Variants in SLC2A13 observed in about 807,000 individuals in gnomAD.
SLC2A13 encodes proton myo-inositol cotransporter.
A neutral mutation model predicts 64.4 loss-of-function variants in SLC2A13; 32 were observed. The observed-to-expected ratio is 0.50, with a 90% CI of 0.37 to 0.67. The LOEUF is 0.67. SLC2A13 is among the 30% of genes least tolerant of loss of function. SLC2A13 has a pLI of 0.00. For synonymous variants in SLC2A13, 338 were observed against 327.1 expected, an observed-to-expected ratio of 1.03 and a Z score of -0.36; for missense variants, 743 against 829.2, an observed-to-expected ratio of 0.90 and a Z score of 1.28.
At chr12:39,785,091 A>G (rs370376132) in intron 7 of SLC2A13, among the ~76,000 whole-genome samples, 10 of 152,248 alleles carry the variant, frequency 6.6e-5, no homozygotes, top group African/African-American at 2.2e-4. Context: ...AGAAATTTGC[A>G]TAAGTAGCAA....
Position 39,764,629 on chromosome 12 carries a change from T to G in SLC2A13, c.1568-17A>C, listed in dbSNP as rs754227528. 1.9e-6 allele frequency: 3 copies of G among 1,580,744 alleles called. No homozygotes were observed. Among genetic ancestry groups the G allele is most frequent in the Non-Finnish European group, 1.7e-6 (2 of 1,169,284 alleles). The stretch of plus-strand genomic sequence containing the variant: ...GTCCCATTCCTGAGAAATAAAACAT[T>G]AAAAACTTTAGTAAAATAGCATGTA... On this transcript the variant is annotated splice_polypyrimidine_tract_variant and intron_variant, in intron 8 of 9. Coordinates refer to ENST00000280871, the MANE Select transcript of SLC2A13 (RefSeq NM_052885.4).
chr12:39,955,906 T>C (rs1946306981), intron 3 of SLC2A13, among the ~76,000 whole-genome samples: 1 of 152,142 alleles, frequency 6.6e-6, no homozygotes, highest in Admixed American at 6.6e-5. Flanking sequence ...AGTGGACACC[T>C]GGCCACCACA....
chr12:39,782,346 G>C (rs923837985), intron 7 of SLC2A13, among the ~76,000 whole-genome samples: 3 of 152,090 alleles, frequency 2.0e-5, no homozygotes, highest in South Asian at 2.1e-4. Context: ...CATGGGGGCG[G>C]CCGGTCTTTT....
chr12:39,978,741 G>A (rs1031946555), intron 3 of SLC2A13, among the ~76,000 whole-genome samples: 2 of 152,192 alleles, frequency 1.3e-5, no homozygotes, highest in Non-Finnish European at 2.9e-5. Context: ...CAGCAAGGCT[G>A]GGGGAGAGGC....
chr12:40,051,063 A>T lies in SLC2A13; in HGVS notation c.557-2853T>A, dbSNP rs188107045. ...TATAGTAGGTGACAGGATTATAAGG[A>T]TGAGTACAAACAAATAAAATAGGGT... is the stretch of plus-strand genomic sequence containing the variant. On this transcript the variant is annotated intron_variant, in intron 1 of 9. Transcript: ENST00000280871. 2.0e-5 allele frequency among the ~76,000 whole-genome samples: 3 copies of T among 152,312 alleles called. No individual in the cohort carries two copies. The East Asian group carries it at 5.8e-4, about 29-fold the overall frequency.
At chr12:39,800,545 G>C (rs1941752450) in intron 7 of SLC2A13, among the ~76,000 whole-genome samples, 1 of 111,436 alleles carries the variant, frequency 9.0e-6, no homozygotes, top group South Asian at 3.6e-4. Context: ...ACCACTATGA[G>C]ATATCATCTC....
At chr12:40,044,174 C>A (rs146968044) in intron 2 of SLC2A13, among the ~76,000 whole-genome samples, 2 of 152,242 alleles carry the variant, frequency 1.3e-5, no homozygotes, top group East Asian at 3.9e-4. Context: ...CTGACACATA[C>A]TACAACTTAG....
At chr12:39,927,667 T>C (rs1945751776) in intron 4 of SLC2A13, among the ~76,000 whole-genome samples, 1 of 152,246 alleles carries the variant, frequency 6.6e-6, no homozygotes, top group Non-Finnish European at 1.5e-5. Context: ...GAAGTTTTTA[T>C]GCAATGATAT....
chr12:39,994,588 A>G (rs1332368355), intron 3 of SLC2A13, among the ~76,000 whole-genome samples: 2 of 152,128 alleles, frequency 1.3e-5, no homozygotes, highest in African/African-American at 2.4e-5. Flanking sequence ...AACACACACA[A>G]ACACAAGCAT....
intron 7 of SLC2A13, among the ~76,000 whole-genome samples, chr12:39,790,891 G>A (rs1455645050): frequency 2.6e-5 from 1 of 38,188 alleles, no homozygotes; most frequent in Non-Finnish European, 5.9e-5. Context: ...GTTGTTTCCT[G>A]ACTTTTTAAT....
At chr12:39,896,326 GTGTATATA>G (rs1437909757) in intron 4 of SLC2A13, among the ~76,000 whole-genome samples, 1 of 140,288 alleles carries the variant, frequency 7.1e-6, no homozygotes, top group Non-Finnish European at 1.5e-5. Context: ...GTATGTATAT[GTGTATATA>G]TGTATACATA....
chr12:39,850,732 C>T (rs1033504816), intron 6 of SLC2A13, among the ~76,000 whole-genome samples: 1 of 152,086 alleles, frequency 6.6e-6, no homozygotes. Context: ...TTTGATTACA[C>T]AGGCCAAGAT....
At chr12:39,773,498 T>G (rs565671506) in intron 7 of SLC2A13, among the ~76,000 whole-genome samples, 1 of 152,194 alleles carries the variant, frequency 6.6e-6, no homozygotes, top group Non-Finnish European at 1.5e-5. Flanking sequence ...ACCTAGTTCA[T>G]ACGTAGATCT....
chr12:39,836,051 G>A (rs996703272), intron 6 of SLC2A13, among the ~76,000 whole-genome samples: 4 of 152,080 alleles, frequency 2.6e-5, no homozygotes, highest in Admixed American at 6.6e-5. Flanking sequence ...GGCCAGTTTC[G>A]TTGAGGCCCA....
At chr12:39,793,528 G>T (rs748163993) in intron 7 of SLC2A13, among the ~76,000 whole-genome samples, 44 of 152,138 alleles carry the variant, frequency 2.9e-4, no homozygotes, top group Non-Finnish European at 5.7e-4. Context: ...CCTCCTGAGT[G>T]GGGGTACTTG....
intron 3 of SLC2A13, among the ~76,000 whole-genome samples, chr12:40,011,564 C>T (rs1350054113): frequency 2.6e-5 from 4 of 152,126 alleles, no homozygotes; most frequent in African/African-American, 9.7e-5. Flanking sequence ...TGATCCTTAA[C>T]ATCATAAACA....
At chr12:40,003,632 C>T (rs1037933911) in intron 3 of SLC2A13, among the ~76,000 whole-genome samples, 1 of 151,494 alleles carries the variant, frequency 6.6e-6, no homozygotes, top group Non-Finnish European at 1.5e-5. Context: ...TATAAAAAAG[C>T]AAGTCATCTC....
At chr12:39,935,330 G>A (rs1330583169) in intron 4 of SLC2A13, among the ~76,000 whole-genome samples, 1 of 152,152 alleles carries the variant, frequency 6.6e-6, no homozygotes, top group Non-Finnish European at 1.5e-5. Context: ...TAATTCTAAA[G>A]GTCAGGACTA....
At chr12:39,968,760 GTATATA>G (rs56838055) in intron 3 of SLC2A13, among the ~76,000 whole-genome samples, 55 of 59,824 alleles carry the variant, frequency 9.2e-4, no homozygotes, top group African/African-American at 1.5e-3. Flanking sequence ...TTTTTTTTTG[GTATATA>G]TATATATATA....
Sources: allele counts gnomAD v4.1 joint callset (sites outside exome capture counted in the v4.1 genomes callset), GRCh38; gene constraint gnomAD v4.1.1; transcripts MANE v1.5; gene names NCBI Gene and HGNC (gene_info 2026-07-23, HGNC 2026-07-21).